PRR16: variants seen among roughly 807,000 people sequenced by gnomAD.
The protein encoded by PRR16 is protein Largen.
A neutral mutation model predicts 18.2 loss-of-function variants in PRR16; 6 were observed. That is an observed-to-expected ratio of 0.33 (90% CI 0.18 to 0.65). The LOEUF is 0.65. PRR16 is among the 30% of genes least tolerant of loss of function. The pLI, the probability that PRR16 is intolerant of heterozygous loss-of-function variation, is 0.74. For missense variants in PRR16, 412 were observed against 376.6 expected, an observed-to-expected ratio of 1.09 and a Z score of -0.78; for synonymous variants, 151 against 147.8, an observed-to-expected ratio of 1.02 and a Z score of -0.16.
At chr5:120,786,439 AT>A in the PRR16 span, among the ~76,000 whole-genome samples, 8 of 151,290 alleles carry the variant, frequency 5.3e-5, no homozygotes, top group African/African-American at 1.7e-4. Flanking sequence ...TTTTAACATG[AT>A]TTTGGTCTCT....
At chr5:120,483,149 A>C (rs1335707794) in intron 1 of PRR16, among the ~76,000 whole-genome samples, 1 of 152,160 alleles carries the variant, frequency 6.6e-6, no homozygotes, top group Non-Finnish European at 1.5e-5. Flanking sequence ...GTCACTCAGG[A>C]ATCCAGCCTC....
At chr5:120,762,006 A>G in the PRR16 span, among the ~76,000 whole-genome samples, 1 of 152,142 alleles carries the variant, frequency 6.6e-6, no homozygotes, top group African/African-American at 2.4e-5. Context: ...ATTTTACATA[A>G]TGACTTCCAG....
chr5:120,700,587 A>T, the PRR16 span, among the ~76,000 whole-genome samples: 2 of 151,746 alleles, frequency 1.3e-5, no homozygotes, highest in African/African-American at 4.9e-5. Context: ...GCAGGTGGGG[A>T]TAACTAAAAA....
At chr5:120,791,303 T>A in the PRR16 span, among the ~76,000 whole-genome samples, 1 of 152,100 alleles carries the variant, frequency 6.6e-6, no homozygotes, top group Non-Finnish European at 1.5e-5. Context: ...TATAAAATTG[T>A]GCTTTCTGTT....
the PRR16 span, among the ~76,000 whole-genome samples, chr5:120,782,684 A>G: frequency 6.6e-5 from 10 of 152,164 alleles, no homozygotes; most frequent in Non-Finnish European, 1.3e-4. Flanking sequence ...TGGTACATCT[A>G]GAGAGACTGG....
chr5:120,619,011 A>C (rs1188154034), intron 1 of PRR16, among the ~76,000 whole-genome samples: 1 of 152,152 alleles, frequency 6.6e-6, no homozygotes, highest in African/African-American at 2.4e-5. Flanking sequence ...CACTGGAATA[A>C]AGTCTTGATG....
At chr5:120,658,987 T>G (rs1421010269) in intron 1 of PRR16, among the ~76,000 whole-genome samples, 1 of 151,832 alleles carries the variant, frequency 6.6e-6, no homozygotes, top group Non-Finnish European at 1.5e-5. Context: ...CTTTCAGCAG[T>G]TCAGTGTGGG....
In PRR16 at chr5:120,483,327, GA is replaced by G. The variant is rs532882485; in HGVS notation, c.159+18690del. Among the ~76,000 whole-genome samples, 609 of 152,076 alleles carry G rather than the reference GA, an allele frequency of 4.0e-3. No homozygotes were observed. The Middle Eastern group carries it at 0.044, about 11-fold the overall frequency. ...TAAAGCCTTCTTATAAATCTATGATGAAAAAAAATCAGTTTGGACTTGGTGA... is the reference window on the plus strand; with the variant it reads ...TAAAGCCTTCTTATAAATCTATGATGAAAAAAATCAGTTTGGACTTGGTGA... On this transcript the variant is annotated intron_variant, in intron 1 of 1. Coordinates refer to ENST00000407149, the MANE Select transcript of PRR16 (RefSeq NM_001300783.2).
chr5:120,510,899 G>A (rs1750805138), intron 1 of PRR16, among the ~76,000 whole-genome samples: 1 of 152,098 alleles, frequency 6.6e-6, no homozygotes. Flanking sequence ...AGAAATATGT[G>A]GCTTGCCTCA....
the PRR16 span, chr5:120,789,843 T>C: frequency 6.6e-6 from 1 of 152,158 alleles, no homozygotes; most frequent in Admixed American, 6.5e-5. Flanking sequence ...TAATCTAAGA[T>C]TATTATTAGC....
intron 1 of PRR16, among the ~76,000 whole-genome samples, chr5:120,549,777 A>G (rs1052963622): frequency 3.9e-5 from 6 of 152,066 alleles, no homozygotes; most frequent in Non-Finnish European, 2.9e-5. Context: ...AAATTAATTA[A>G]TTTAACAAAT....
intron 1 of PRR16, among the ~76,000 whole-genome samples, chr5:120,487,850 AG>A (rs1749869750): frequency 6.6e-6 from 1 of 152,206 alleles, no homozygotes; most frequent in Non-Finnish European, 1.5e-5. Context: ...GAGAGTTGTT[AG>A]CATGAAGCGT....
the PRR16 span, among the ~76,000 whole-genome samples, chr5:120,706,712 G>A: frequency 3.3e-5 from 5 of 152,268 alleles, no homozygotes; most frequent in East Asian, 9.7e-4. Flanking sequence ...AATAAAAATT[G>A]CATAGGACAG....
At chr5:120,749,634 T>G in the PRR16 span, among the ~76,000 whole-genome samples, 2 of 152,138 alleles carry the variant, frequency 1.3e-5, no homozygotes, top group South Asian at 2.1e-4. Flanking sequence ...CTGCTAAGAT[T>G]ATCACTGATT....
intron 1 of PRR16, among the ~76,000 whole-genome samples, chr5:120,529,651 G>A (rs1412270221): frequency 2.0e-5 from 3 of 152,106 alleles, no homozygotes; most frequent in Non-Finnish European, 4.4e-5. Context: ...AGCTTGATGA[G>A]GGGTGAAATA....
the PRR16 span, among the ~76,000 whole-genome samples, chr5:120,728,430 TAA>T: frequency 1.3e-5 from 2 of 152,076 alleles, no homozygotes; most frequent in African/African-American, 4.8e-5. Context: ...AGAGAATTCT[TAA>T]AGTTATTAAA....
At chr5:120,558,212 T>C (rs1309998220) in intron 1 of PRR16, among the ~76,000 whole-genome samples, 1 of 152,060 alleles carries the variant, frequency 6.6e-6, no homozygotes, top group East Asian at 1.9e-4. Context: ...TGTCACCCTG[T>C]TGTGCTGTCA....
At chr5:120,535,129 G>A (rs574360714) in intron 1 of PRR16, among the ~76,000 whole-genome samples, 1 of 151,730 alleles carries the variant, frequency 6.6e-6, no homozygotes, top group South Asian at 2.1e-4. Flanking sequence ...GGATGCTGTT[G>A]TCTATTGCTT....
In PRR16 at chr5:120,652,004, T is replaced by A. The variant is rs151186868; in HGVS notation, c.160-33950T>A. 5.1e-3 allele frequency among the ~76,000 whole-genome samples: 773 copies of A among 152,254 alleles called. 42 individuals carry two copies. In the East Asian group the frequency reaches 0.12, roughly 24 times the overall value. On this transcript the variant is annotated intron_variant, in intron 1 of 1. Coordinates refer to ENST00000407149, the MANE Select transcript of PRR16 (RefSeq NM_001300783.2). The stretch of plus-strand genomic sequence containing the variant: ...TTTCTTTGTATCCTCTTTTATTTCA[T>A]TGAGCAGTGGTTTGTAGTTCTCCTT...
Sources: allele counts gnomAD v4.1 joint callset (sites outside exome capture counted in the v4.1 genomes callset), GRCh38; gene constraint gnomAD v4.1.1; transcripts MANE v1.5; gene names NCBI Gene and HGNC (gene_info 2026-07-23, HGNC 2026-07-21).